The following KIAA1328 variants were observed in gnomAD, a reference collection of about 807,000 sequenced individuals.
KIAA1328 encodes protein hinderin.
A neutral mutation model predicts 68.1 loss-of-function variants in KIAA1328; 52 were observed. That is an observed-to-expected ratio of 0.76 (90% CI 0.61 to 0.96). KIAA1328 has a LOEUF of 0.96. KIAA1328 is among the 40% of genes least tolerant of loss of function. The pLI, the probability that KIAA1328 is intolerant of heterozygous loss-of-function variation, is 0.00. For missense variants in KIAA1328, 641 were observed against 677.6 expected (o/e 0.95, Z 0.60); for synonymous variants, 232 against 239.4 (o/e 0.97, Z 0.28).
At position 36,960,262 on chromosome 18, in the gene KIAA1328, G is replaced by T. The variant is rs147144033; in HGVS notation, c.576+827G>T. Among the ~76,000 whole-genome samples the T allele has an allele frequency of 5.4e-3, 815 of 152,296 alleles. 11 individuals carry two copies. The highest frequency in any genetic ancestry group is 0.018 in the African/African-American group (759 of 41,554). On this transcript the variant is annotated intron_variant, in intron 6 of 9. Transcript: ENST00000280020. ...GCTGCAGCCCGGCAGGGGGAGGGGC[G>T]TCGACCATTGCTGAGGCTTCAGTAG...
At chr18:36,946,639 A>T (rs1358275434) in intron 5 of KIAA1328, 1 of 152,218 alleles carries the variant, frequency 6.6e-6, no homozygotes, top group East Asian at 1.9e-4. Flanking sequence ...TGTGCTGCAG[A>T]TTTATTTGTA....
intron 9 of KIAA1328, among the ~76,000 whole-genome samples, chr18:37,197,081 A>G (rs1435862621): frequency 6.6e-6 from 1 of 151,998 alleles, no homozygotes. Context: ...ATAGTCATTC[A>G]TAATTGTTTG....
intron 7 of KIAA1328, among the ~76,000 whole-genome samples, chr18:37,093,855 CA>C (rs2057331223): frequency 6.6e-6 from 1 of 152,154 alleles, no homozygotes; most frequent in East Asian, 1.9e-4. Flanking sequence ...TATAAACTAT[CA>C]AAAGGCAAAG....
At chr18:37,003,739 G>T (rs1237931133) in intron 6 of KIAA1328, among the ~76,000 whole-genome samples, 1 of 152,046 alleles carries the variant, frequency 6.6e-6, no homozygotes, top group Non-Finnish European at 1.5e-5. Flanking sequence ...TTAAGTCCTT[G>T]ATCTGTCTTG....
chr18:37,076,145 A>G (rs2056725481), intron 7 of KIAA1328, among the ~76,000 whole-genome samples: 2 of 152,260 alleles, frequency 1.3e-5, no homozygotes, highest in Admixed American at 1.3e-4. Context: ...CTCAGACCAC[A>G]GTGCAATCAA....
chr18:37,117,891 T>A (rs917581786), intron 7 of KIAA1328, among the ~76,000 whole-genome samples: 69 of 150,506 alleles, frequency 4.6e-4, no homozygotes, highest in Non-Finnish European at 7.1e-4. Flanking sequence ...AAAAAAAATA[T>A]ATATATATAT....
rs1599643632 is a variant in KIAA1328, at chr18:37,224,574, A to G, written c.*2347A>G. 1.0e-6 allele frequency: 1 copy of G among 969,432 alleles called. No homozygotes were observed. Among genetic ancestry groups the G allele is most frequent in the East Asian group, 1.1e-4 (1 of 8,738 alleles). The allele number at this position is 969,432 out of a possible 1,614,324, so 60.1% of individuals were successfully genotyped here. A position where few individuals can be genotyped will look rare whatever the true frequency, so the allele number is the denominator to read the frequency against. ...ATTATTAATTGAATAGTACATGTTA[A>G]CATTTTAATCTATTTAAATTTACTT... On this transcript the variant is annotated 3_prime_UTR_variant, in exon 10 of 10. Transcript: ENST00000280020.
intron 4 of KIAA1328, among the ~76,000 whole-genome samples, chr18:36,873,487 G>A (rs998409623): frequency 6.6e-6 from 1 of 152,098 alleles, no homozygotes; most frequent in Non-Finnish European, 1.5e-5. Flanking sequence ...AAACTAAGCT[G>A]AGATGTGACA....
At chr18:37,209,468 ATGTG>A (rs145023263) in intron 9 of KIAA1328, among the ~76,000 whole-genome samples, 1 of 150,342 alleles carries the variant, frequency 6.7e-6, no homozygotes. Context: ...TAATGTGTGT[ATGTG>A]TGTGTGTGTG....
chr18:36,891,544 A>G (rs2048687774), intron 5 of KIAA1328, among the ~76,000 whole-genome samples: 1 of 152,318 alleles, frequency 6.6e-6, no homozygotes, highest in South Asian at 2.1e-4. Context: ...TCACTTATGA[A>G]TGAGAACATA....
At chr18:36,847,590 T>C (rs2047071197) in intron 4 of KIAA1328, among the ~76,000 whole-genome samples, 1 of 151,608 alleles carries the variant, frequency 6.6e-6, no homozygotes, top group African/African-American at 2.4e-5. Flanking sequence ...TTCCCCTTTT[T>C]TTACCCATCA....
chr18:37,008,884 A>G (rs2053878130), intron 6 of KIAA1328, among the ~76,000 whole-genome samples: 2 of 152,186 alleles, frequency 1.3e-5, no homozygotes, highest in Admixed American at 1.3e-4. Flanking sequence ...AAGAGAGGAA[A>G]AAAAAGTTAC....
intron 4 of KIAA1328, among the ~76,000 whole-genome samples, chr18:36,854,312 A>G (rs1238526280): frequency 6.6e-6 from 1 of 152,224 alleles, no homozygotes; most frequent in African/African-American, 2.4e-5. Context: ...CAGGCTACTC[A>G]GTCTGTGGTA....
chr18:36,979,947 G>A (rs1306519332), intron 6 of KIAA1328, among the ~76,000 whole-genome samples: 2 of 152,084 alleles, frequency 1.3e-5, no homozygotes, highest in Non-Finnish European at 2.9e-5. Flanking sequence ...ATTATATTTA[G>A]GTCATGAGGG....
At chr18:37,130,225 G>A (rs975474440) in intron 7 of KIAA1328, among the ~76,000 whole-genome samples, 4 of 152,180 alleles carry the variant, frequency 2.6e-5, no homozygotes, top group Non-Finnish European at 5.9e-5. Context: ...TGAGCATAGG[G>A]CAGGAAAGTT....
At chr18:36,934,064 G>C (rs1344480114) in intron 5 of KIAA1328, among the ~76,000 whole-genome samples, 1 of 152,102 alleles carries the variant, frequency 6.6e-6, no homozygotes, top group Admixed American at 6.5e-5. Context: ...ATATCTATGG[G>C]GGGTCATGGG....
At chr18:36,845,539 T>A (rs2046998703) in intron 4 of KIAA1328, among the ~76,000 whole-genome samples, 2 of 151,730 alleles carry the variant, frequency 1.3e-5, no homozygotes, top group Non-Finnish European at 3.0e-5. Flanking sequence ...ATTAGAGCAT[T>A]AAGTTAATTA....
At chr18:37,108,080 C>A (rs1050333907) in intron 7 of KIAA1328, among the ~76,000 whole-genome samples, 1 of 152,150 alleles carries the variant, frequency 6.6e-6, no homozygotes, top group African/African-American at 2.4e-5. Flanking sequence ...CTTGTACGTT[C>A]ATTACTGCAC....
chr18:36,997,346 G>A (rs1234741946), intron 6 of KIAA1328, among the ~76,000 whole-genome samples: 1 of 152,022 alleles, frequency 6.6e-6, no homozygotes, highest in Admixed American at 6.5e-5. Context: ...GGTTTGGTTT[G>A]TACAGCTAGC....
Sources: gnomAD v4.1 joint callset for allele counts (sites outside exome capture counted in the v4.1 genomes callset) on GRCh38, gnomAD v4.1.1 for gene constraint, MANE v1.5 for transcripts, NCBI Gene and HGNC (gene_info 2026-07-23, HGNC 2026-07-21) for gene names.